The following LRRIQ3 variants were observed in gnomAD, a reference collection of about 807,000 sequenced individuals.
LRRIQ3 encodes the protein leucine rich repeats and IQ motif containing 3.
In LRRIQ3, 75 loss-of-function variants were observed where a neutral mutation model predicts 59.3. The observed-to-expected ratio is 1.26, with a 90% CI of 1.05 to 1.53. The LOEUF is 1.53. LRRIQ3 is among the 40% of genes most tolerant of loss of function. LRRIQ3 has a pLI of 0.00. For synonymous variants in LRRIQ3, 250 were observed against 231.3 expected (o/e 1.08, Z -0.73); for missense variants, 831 against 710.0 (o/e 1.17, Z -1.94).
intron 1 of LRRIQ3, among the ~76,000 whole-genome samples, chr1:74,190,092 T>C (rs1650661287): frequency 6.6e-6 from 1 of 152,070 alleles, no homozygotes; most frequent in South Asian, 2.1e-4. Context: ...CAACTTTTCT[T>C]AGCTACACAA....
intron 6 of LRRIQ3, among the ~76,000 whole-genome samples, chr1:74,053,081 T>C (rs1339559413): frequency 2.0e-5 from 3 of 148,490 alleles, no homozygotes; most frequent in East Asian, 4.0e-4. Context: ...TCCCGTGATA[T>C]AGTCAACTTA....
intron 5 of LRRIQ3, among the ~76,000 whole-genome samples, chr1:74,099,225 T>C (rs1646494729): frequency 6.6e-6 from 1 of 151,896 alleles, no homozygotes; most frequent in African/African-American, 2.4e-5. Context: ...AAAGGGGATA[T>C]CACCACTAAT....
chr1:74,066,937 T>A (rs530284519), intron 6 of LRRIQ3, among the ~76,000 whole-genome samples: 188 of 152,230 alleles, frequency 1.2e-3, no homozygotes, highest in Non-Finnish European at 2.4e-3. Context: ...AGCCCAGAAG[T>A]GACACACTTA....
chr1:74,090,326 G>GT (rs35791047), intron 5 of LRRIQ3, among the ~76,000 whole-genome samples: 111,294 of 149,988 alleles, frequency 0.74, 42,360 homozygotes, highest in East Asian at 0.93. Flanking sequence ...CTACAAAATA[G>GT]TTTTTTTTTT....
intron 6 of LRRIQ3, among the ~76,000 whole-genome samples, chr1:74,045,671 GTC>G (rs1557591244): frequency 1.3e-5 from 2 of 152,144 alleles, no homozygotes; most frequent in African/African-American, 4.8e-5. Context: ...AAGTCAAATT[GTC>G]TCTGTTTGCA....
In LRRIQ3 at chr1:74,088,989, A is replaced by C. The variant is rs1646364861; in HGVS notation, c.868-14199T>G. Among the ~76,000 whole-genome samples the C allele has an allele frequency of 2.0e-5, 3 of 152,216 alleles. No homozygotes were observed. In the South Asian group the frequency reaches 6.2e-4, roughly 32 times the overall value. On this transcript the variant is annotated intron_variant, in intron 5 of 7. Transcript: ENST00000354431. ...AATAATAAAAAGATAATCTATTATA[A>C]AATGATCAAAGGATTTAAATAGACA...
chr1:74,026,943 C>T lies in LRRIQ3; in HGVS notation c.1745G>A (p.Cys582Tyr). 1.3e-6 allele frequency: 2 copies of T among 1,577,756 alleles called. No homozygotes were observed. The highest frequency in any genetic ancestry group is 1.7e-6 in the Non-Finnish European group (2 of 1,155,152). ...VRSQEIYKRH[C>Y]EEKFVMDMIA... ...CATATCCATAACAAATTTTTCTTCA[C>T]AATGTCTTTTATATATTTCTTGAGA... The change falls in exon 8 of 8, where the codon TGT (cysteine) becomes TAT (tyrosine). Residue 582 changes from cysteine to tyrosine, a missense_variant. Cys to Tyr is a radical substitution (Grantham distance 194, BLOSUM62 -2). Transcript: ENST00000354431.
chr1:74,150,002 G>A (rs1305824067), intron 4 of LRRIQ3, among the ~76,000 whole-genome samples: 1 of 152,156 alleles, frequency 6.6e-6, no homozygotes, highest in East Asian at 1.9e-4. Flanking sequence ...TAGGAAAGGG[G>A]AATTCTGGCT....
chr1:74,179,689 A>G (rs543094748), intron 3 of LRRIQ3, among the ~76,000 whole-genome samples: 1 of 151,986 alleles, frequency 6.6e-6, no homozygotes, highest in Non-Finnish European at 1.5e-5. Context: ...AATCAAAAGA[A>G]CTTTGCTTAG....
intron 4 of LRRIQ3, among the ~76,000 whole-genome samples, chr1:74,128,515 A>G (rs1646967453): frequency 6.6e-6 from 1 of 152,112 alleles, no homozygotes; most frequent in Non-Finnish European, 1.5e-5. Flanking sequence ...TATCTTGAAT[A>G]TCTTTGAGTT....
chr1:74,146,978 A>C (rs1647612423), intron 4 of LRRIQ3, among the ~76,000 whole-genome samples: 1 of 152,228 alleles, frequency 6.6e-6, no homozygotes, highest in African/African-American at 2.4e-5. Flanking sequence ...TTGTAATCCC[A>C]GCACTTTAGG....
chr1:74,185,447 T>A (rs1650298409), intron 1 of LRRIQ3, among the ~76,000 whole-genome samples: 1 of 152,190 alleles, frequency 6.6e-6, no homozygotes, highest in East Asian at 1.9e-4. Flanking sequence ...TATATCTTCC[T>A]TGGTGAGTTA....
At chr1:74,067,698 C>A (rs1414743942) in intron 6 of LRRIQ3, among the ~76,000 whole-genome samples, 1 of 151,952 alleles carries the variant, frequency 6.6e-6, no homozygotes, top group Non-Finnish European at 1.5e-5. Flanking sequence ...CACTCTCTAG[C>A]AATTTAATGG....
chr1:74,155,655 T>A, intron 4 of LRRIQ3, 78 bp downstream of exon 4: 1 of 1,361,776 alleles, frequency 7.3e-7, no homozygotes, highest in Non-Finnish European at 9.9e-7. Flanking sequence ...ATGCAAATTA[T>A]TGGAGAATTG....
intron 5 of LRRIQ3, among the ~76,000 whole-genome samples, chr1:74,090,542 AC>A (rs1646383311): frequency 6.6e-6 from 1 of 152,050 alleles, no homozygotes; most frequent in Non-Finnish European, 1.5e-5. Context: ...CATAACCAGG[AC>A]TGGTAAAATA....
At chr1:74,071,921 G>A (rs1036292385) in intron 6 of LRRIQ3, among the ~76,000 whole-genome samples, 2 of 151,910 alleles carry the variant, frequency 1.3e-5, no homozygotes, top group African/African-American at 4.8e-5. Flanking sequence ...AAGTCTAGGT[G>A]AGAAAATGGA....
In LRRIQ3 at chr1:74,183,598, A is replaced by G. The variant is rs1650153479; in HGVS notation, c.87T>C (p.Asp29=). ...YNENIREGQK[D]FVFVKFNGLH... is the part of the protein sequence containing the mutation. ...GGCCATTGAACTTCACAAAAACAAA[A>G]TCTTTTTGACCTTCTCTTATGTTTT... is the stretch of plus-strand genomic sequence containing the variant. The change falls in exon 2 of 8, where the codon GAT becomes GAC. Residue 29 remains aspartate (D), a synonymous_variant. Transcript: ENST00000354431. 1 of 1,612,056 alleles carries G rather than the reference A, an allele frequency of 6.2e-7. No homozygotes were observed. The highest frequency in any genetic ancestry group is 8.5e-7 in the Non-Finnish European group (1 of 1,178,828).
chr1:74,124,501 G>A (rs148899199), intron 4 of LRRIQ3, among the ~76,000 whole-genome samples: 8 of 151,856 alleles, frequency 5.3e-5, no homozygotes, highest in African/African-American at 1.4e-4. Context: ...AGGTATTAGC[G>A]TTAAGCTGCA....
intron 5 of LRRIQ3, among the ~76,000 whole-genome samples, chr1:74,090,198 T>C (rs1646379777): frequency 6.6e-6 from 1 of 152,052 alleles, no homozygotes; most frequent in African/African-American, 2.4e-5. Context: ...TTAAACTTGG[T>C]AATAGGATCT....
Sources: gnomAD v4.1 joint callset for allele counts (sites outside exome capture counted in the v4.1 genomes callset) on GRCh38, gnomAD v4.1.1 for gene constraint, MANE v1.5 for transcripts, NCBI Gene and HGNC (gene_info 2026-07-23, HGNC 2026-07-21) for gene names.